ATAD5: variants seen among roughly 807,000 people sequenced by gnomAD.
ATAD5 encodes the protein ATPase family AAA domain containing 5, also known as ATPase family AAA domain-containing protein 5.
In ATAD5, 58 loss-of-function variants were observed where a neutral mutation model predicts 176.9. The ratio of observed to expected loss-of-function variants is 0.33; its 90% CI spans 0.27 to 0.41. The LOEUF (loss-of-function observed/expected upper bound fraction) is 0.41, where lower values mean the gene tolerates loss of function less well. Ranked by LOEUF, ATAD5 falls within the 10% of genes least tolerant of loss-of-function variation. ATAD5 has a pLI of 1.00. For synonymous variants in ATAD5, 640 were observed against 712.6 expected, an observed-to-expected ratio of 0.90 and a Z score of 1.62; for missense variants, 1,789 against 2,094.1, an observed-to-expected ratio of 0.85 and a Z score of 2.84.
Position 30,888,084 on chromosome 17 carries a change from C to T in ATAD5, c.4258+712C>T, listed in dbSNP as rs188044012. Among the ~76,000 whole-genome samples the T allele has an allele frequency of 6.5e-4, 98 of 151,890 alleles. No individual in the cohort carries two copies. The Middle Eastern group carries it at 0.014, about 21-fold the overall frequency. On this transcript the variant is annotated intron_variant, in intron 19 of 22. Coordinates refer to ENST00000321990, the MANE Select transcript of ATAD5 (RefSeq NM_024857.5). ...TCCTGACCTCATGATCCACTTGCCT[C>T]GGCCTCCCAAAGTACTGGGATTAGA... is the stretch of plus-strand genomic sequence containing the variant.
At chr17:30,877,388 C>T in intron 15 of ATAD5, 28 bp from the exon 16 acceptor site, 2 of 1,387,726 alleles carry the variant, frequency 1.4e-6, no homozygotes, top group Non-Finnish European at 2.0e-6. Context: ...TTGATTTTAC[C>T]TAAAATATTA....
intron 18 of ATAD5, among the ~76,000 whole-genome samples, chr17:30,882,605 AC>A (rs1398972929): frequency 6.6e-6 from 1 of 152,004 alleles, no homozygotes; most frequent in Non-Finnish European, 1.5e-5. Flanking sequence ...GAAAAAAAAA[AC>A]AATTTGTCTA....
Position 30,835,041 on chromosome 17 carries a change from G to A in ATAD5, c.960G>A (p.Lys320=), listed in dbSNP as rs1905629540. The stretch of plus-strand genomic sequence containing the variant: ...AAATTTCCCAGCAGGTACGCTTTAA[G>A]ACAGTTACTGTTCTTGCACAGGTTC... ...NSEISQQVRF[K]TVTVLAQVHP... The change falls in exon 2 of 23, where the codon AAG becomes AAA. Residue 320 remains lysine, a synonymous_variant. Coordinates refer to ENST00000321990, the MANE Select transcript of ATAD5 (RefSeq NM_024857.5). 6.2e-7 allele frequency: 1 copy of A among 1,614,006 alleles called. No individual in the cohort carries two copies. Among genetic ancestry groups the A allele is most frequent in the African/African-American group, 1.3e-5 (1 of 75,038 alleles).
At chr17:30,842,185 C>T (rs1906160797) in intron 4 of ATAD5, among the ~76,000 whole-genome samples, 1 of 152,098 alleles carries the variant, frequency 6.6e-6, no homozygotes, top group African/African-American at 2.4e-5. Flanking sequence ...AGAAGAATCA[C>T]TTGAACCCGG....
intron 18 of ATAD5, 82 bp from the exon 19 acceptor site, chr17:30,887,110 A>C: frequency 1.6e-6 from 2 of 1,251,746 alleles, no homozygotes; most frequent in Non-Finnish European, 2.2e-6. Flanking sequence ...AATTTGTCTC[A>C]CTTTTAGATA....
intron 20 of ATAD5, 136 bp from the exon 21 acceptor site, chr17:30,893,158 T>C (rs192100357): frequency 2.3e-6 from 2 of 873,208 alleles, no homozygotes; most frequent in Admixed American, 2.9e-5. Context: ...ATATTAAATA[T>C]AGATAAATAA....
At chr17:30,875,886 C>T (rs1039330285) in intron 14 of ATAD5, among the ~76,000 whole-genome samples, 2 of 151,622 alleles carry the variant, frequency 1.3e-5, no homozygotes, top group East Asian at 1.9e-4. Context: ...GCCTGTAATC[C>T]GAGCACTTTG....
At chr17:30,872,479 T>C (rs917005124) in intron 14 of ATAD5, among the ~76,000 whole-genome samples, 4 of 152,022 alleles carry the variant, frequency 2.6e-5, no homozygotes, top group African/African-American at 9.7e-5. Flanking sequence ...GCCCAGCTGT[T>C]TCTTCTGTAT....
rs1909750680 is a variant in ATAD5 at position 30,893,603 on chromosome 17, G to A, written c.4750G>A (p.Asp1584Asn). 1 of 1,613,840 alleles carries A rather than the reference G, an allele frequency of 6.2e-7. No homozygotes were observed. Among genetic ancestry groups the A allele is most frequent in the Non-Finnish European group, 8.5e-7 (1 of 1,179,930 alleles). The change falls in exon 21 of 23, where the codon GAC becomes AAC. Residue 1584 changes from aspartate (D) to asparagine (N), a missense_variant. Around this residue, in one of 6 missense-constraint regions of ATAD5, gnomAD observed 403 missense variants for 495.1 expected, o/e 0.81. Coordinates refer to ENST00000321990, the MANE Select transcript of ATAD5 (RefSeq NM_024857.5). ...TAGTGATCTATTTGACACTGACTTGGACTTTCCTGATCAATCTATTAGCCT... is the reference window on the plus strand; with the variant it reads ...TAGTGATCTATTTGACACTGACTTGAACTTTCCTGATCAATCTATTAGCCT... ...DDSDLFDTDL[D>N]FPDQSISLSS...
intron 19 of ATAD5, among the ~76,000 whole-genome samples, chr17:30,891,596 C>T (rs1909641353): frequency 6.6e-6 from 1 of 152,130 alleles, no homozygotes; most frequent in Non-Finnish European, 1.5e-5. Context: ...TGGTCTCGAA[C>T]TCCTGACCTC....
rs9903862 is a variant in ATAD5 at position 30,879,415 on chromosome 17, G to A, written c.4013-8G>A. On this transcript the variant is annotated splice_region_variant and splice_polypyrimidine_tract_variant and intron_variant, in intron 17 of 22. Coordinates refer to ENST00000321990, the MANE Select transcript of ATAD5 (RefSeq NM_024857.5). ...ATTTTTTTTTTTTGTGTGTGTGTGTGTGTGTAGACCCAACATTTAGTTTAA... is the reference window on the plus strand; with the variant it reads ...ATTTTTTTTTTTTGTGTGTGTGTGTATGTGTAGACCCAACATTTAGTTTAA... The A allele has an allele frequency of 0.094, 150,238 of 1,596,464 alleles. 8,859 individuals carry two copies. The highest frequency in any genetic ancestry group is 0.24 in the South Asian group (21,049 of 88,506).
chr17:30,849,310 T>C (rs935239331), intron 6 of ATAD5, among the ~76,000 whole-genome samples: 2 of 152,178 alleles, frequency 1.3e-5, no homozygotes, highest in African/African-American at 4.8e-5. Context: ...TTTCTCAGCC[T>C]GGCCTTGAAC....
intron 19 of ATAD5, 134 bp downstream of exon 19, chr17:30,887,506 C>T: frequency 1.5e-6 from 1 of 666,986 alleles, no homozygotes; most frequent in South Asian, 2.0e-5. Flanking sequence ...CTCTTGAGGC[C>T]AGGAGGTCCA....
chr17:30,881,031 A>G (rs1908984662), intron 18 of ATAD5, among the ~76,000 whole-genome samples: 1 of 151,772 alleles, frequency 6.6e-6, no homozygotes, highest in Admixed American at 6.6e-5. Context: ...GCACTTTTTT[A>G]ACCTTTAAAA....
rs530946145 is a variant in ATAD5, at chr17:30,869,045, C to T, written c.3314-203C>T. Among the ~76,000 whole-genome samples, 3 of 151,960 alleles carry T rather than the reference C, an allele frequency of 2.0e-5. No individual in the cohort carries two copies. The South Asian group carries it at 6.2e-4, about 32-fold the overall frequency. On this transcript the variant is annotated intron_variant, in intron 12 of 22. Coordinates refer to ENST00000321990, the MANE Select transcript of ATAD5 (RefSeq NM_024857.5). ...AGAGATGGGGTTTGGCCAGGCTGGT[C>T]TCGAACTCCTGACCTTGTGATCTGC...
intron 3 of ATAD5, among the ~76,000 whole-genome samples, chr17:30,839,128 C>T (rs1337095679): frequency 6.6e-6 from 1 of 152,146 alleles, no homozygotes; most frequent in African/African-American, 2.4e-5. Context: ...GCCACTGTGC[C>T]TGGCCAGATT....
At chr17:30,861,275 A>G (rs766930681) in intron 10 of ATAD5, among the ~76,000 whole-genome samples, 3 of 144,584 alleles carry the variant, frequency 2.1e-5, no homozygotes, top group Non-Finnish European at 4.5e-5. Flanking sequence ...CACCAGAAAT[A>G]TTAACATCTT....
chr17:30,840,728 C>T lies in ATAD5; in HGVS notation c.2188C>T (p.Arg730Cys), dbSNP rs778157984. 10 of 1,609,330 alleles carry T rather than the reference C, an allele frequency of 6.2e-6. No individual in the cohort carries two copies. The highest frequency in any genetic ancestry group is 3.3e-5 in the South Asian group (3 of 89,982). Residue 730 changes from arginine to cysteine, a missense_variant, in exon 4 of 23, where the codon CGC becomes TGC. This residue lies in a region of ATAD5 where 487 missense variants were observed against 573.6 expected (regional missense o/e 0.85). Coordinates refer to ENST00000321990, the MANE Select transcript of ATAD5 (RefSeq NM_024857.5). ...VTEEIAIPLR[R>C]SSRHQTLPER... is the part of the protein sequence containing the mutation. ...TGAAGAAATAGCGATACCCTTAAGG[C>T]GCTCCTCTAGACATCAGACACTTCC...
At chr17:30,876,797 A>G (rs1359099964) in intron 15 of ATAD5, among the ~76,000 whole-genome samples, 1 of 144,406 alleles carries the variant, frequency 6.9e-6, no homozygotes, top group African/African-American at 2.6e-5. Context: ...GCTCACTGCA[A>G]CCTCTTCCTC....
Sources: gnomAD v4.1 joint callset for allele counts (sites outside exome capture counted in the v4.1 genomes callset) on GRCh38, gnomAD v4.1.1 for gene constraint, gnomAD v4.1.1 regional missense constraint, MANE v1.5 for transcripts, NCBI Gene and HGNC (gene_info 2026-07-23, HGNC 2026-07-21) for gene names.